Variants in CENPP observed in about 807,000 individuals in gnomAD.
CENPP encodes the protein centromere protein P.
Under a neutral mutation model 35.6 loss-of-function variants are expected in CENPP, and 24 were observed. That is an observed-to-expected ratio of 0.67 (90% CI 0.49 to 0.95). The LOEUF is 0.95. Ranked by LOEUF, CENPP falls within the 40% of genes least tolerant of loss-of-function variation. The pLI, the probability that CENPP is intolerant of heterozygous loss-of-function variation, is 0.00. For synonymous variants in CENPP, 120 were observed against 125.5 expected, an observed-to-expected ratio of 0.96 and a Z score of 0.29; for missense variants, 332 against 345.3, an observed-to-expected ratio of 0.96 and a Z score of 0.31.
intron 1 of CENPP, among the ~76,000 whole-genome samples, chr9:92,328,234 A>C (rs1257236664): frequency 6.6e-6 from 1 of 152,208 alleles, no homozygotes; most frequent in East Asian, 1.9e-4. Context: ...ATGTCAGTCC[A>C]GGGTGTTTGG....
chr9:92,532,682 A>G (rs944818828), intron 5 of CENPP, among the ~76,000 whole-genome samples: 4 of 151,870 alleles, frequency 2.6e-5, no homozygotes, highest in Non-Finnish European at 4.4e-5. Flanking sequence ...GGTTTTCAGT[A>G]TGTTCTTTTT....
intron 5 of CENPP, among the ~76,000 whole-genome samples, chr9:92,536,450 C>T (rs942823748): frequency 2.4e-5 from 3 of 127,450 alleles, no homozygotes; most frequent in Non-Finnish European, 5.1e-5. Flanking sequence ...TTTAACTCAT[C>T]TGCCCACCCA....
intron 5 of CENPP, among the ~76,000 whole-genome samples, chr9:92,571,921 T>G (rs976736856): frequency 4.6e-5 from 7 of 151,696 alleles, no homozygotes; most frequent in East Asian, 1.9e-4. Flanking sequence ...TTTTTTTTTT[T>G]TTTGTTTTCC....
At chr9:92,359,272 C>T (rs1236115010) in intron 4 of CENPP, among the ~76,000 whole-genome samples, 1 of 152,002 alleles carries the variant, frequency 6.6e-6, no homozygotes, top group Non-Finnish European at 1.5e-5. Flanking sequence ...CTTTGTATCC[C>T]TTGTGTTTTG....
At chr9:92,460,538 A>G in intron 5 of CENPP, 1 of 1,599,436 alleles carries the variant, frequency 6.3e-7, no homozygotes, top group Non-Finnish European at 8.6e-7. Context: ...TTATAATCTA[A>G]GTGAAGCTCC....
intron 5 of CENPP, chr9:92,465,060 A>G: frequency 7.0e-7 from 1 of 1,438,644 alleles, no homozygotes; most frequent in Non-Finnish European, 9.8e-7. Flanking sequence ...GACTTAGCAC[A>G]CATAGGTTGT....
At chr9:92,517,694 G>A (rs754446535) in intron 5 of CENPP, 14 of 1,613,962 alleles carry the variant, frequency 8.7e-6, no homozygotes, top group African/African-American at 4.0e-5. Context: ...TACCAGTAGC[G>A]GAGCAGACCG....
chr9:92,572,528 C>A (rs187847578), intron 5 of CENPP, among the ~76,000 whole-genome samples: 96 of 152,234 alleles, frequency 6.3e-4, no homozygotes, highest in African/African-American at 2.2e-3. Context: ...AACATTTTTT[C>A]CTTCATTTCA....
chr9:92,452,606 G>A (rs1204798823), intron 5 of CENPP, among the ~76,000 whole-genome samples: 2 of 152,242 alleles, frequency 1.3e-5, no homozygotes, highest in East Asian at 1.9e-4. Context: ...GGATGATGCT[G>A]GCCTCATAAA....
chr9:92,429,414 A>T (rs1191385660), intron 5 of CENPP, among the ~76,000 whole-genome samples: 2 of 152,220 alleles, frequency 1.3e-5, no homozygotes, highest in Non-Finnish European at 2.9e-5. Flanking sequence ...TACTTGGCTA[A>T]AGTCTACAGA....
chr9:92,380,891 G>A (rs1842226130), intron 5 of CENPP, among the ~76,000 whole-genome samples: 1 of 152,142 alleles, frequency 6.6e-6, no homozygotes, highest in African/African-American at 2.4e-5. Context: ...AAGCTGATTT[G>A]ACTCTACGTG....
At chr9:92,475,879 T>C in intron 5 of CENPP, among the ~76,000 whole-genome samples, 1 of 152,230 alleles carries the variant, frequency 6.6e-6, no homozygotes, top group East Asian at 1.9e-4. Flanking sequence ...TTCAGTTGCA[T>C]TTTTAAAATG....
intron 5 of CENPP, among the ~76,000 whole-genome samples, chr9:92,596,904 T>TC (rs1850798802): frequency 6.6e-6 from 1 of 152,178 alleles, no homozygotes; most frequent in Non-Finnish European, 1.5e-5. Context: ...GACTTGGCTA[T>TC]ATTCATGTCT....
chr9:92,531,006 G>A (rs1057348919), intron 5 of CENPP, among the ~76,000 whole-genome samples: 3 of 152,074 alleles, frequency 2.0e-5, no homozygotes, highest in African/African-American at 7.2e-5. Context: ...ATGTTTTGCT[G>A]TCTTTCTATA....
intron 5 of CENPP, among the ~76,000 whole-genome samples, chr9:92,442,378 A>G (rs1382537198): frequency 6.7e-6 from 1 of 148,238 alleles, no homozygotes; most frequent in African/African-American, 2.5e-5. Context: ...AGCCTGGACA[A>G]CAAGAGTGAA....
intron 5 of CENPP, among the ~76,000 whole-genome samples, chr9:92,587,942 A>G (rs1293725516): frequency 2.6e-5 from 4 of 152,100 alleles, no homozygotes; most frequent in African/African-American, 4.8e-5. Context: ...ACTGGCCAAC[A>G]TGGCGAAACC....
chr9:92,429,138 T>TTGAA lies in CENPP; in HGVS notation c.564+49294_564+49297dup, dbSNP rs1464286710. On this transcript the variant is annotated intron_variant, in intron 5 of 7. Coordinates refer to ENST00000375587, the MANE Select transcript of CENPP (RefSeq NM_001012267.3). ...ATAGTGGGTGCTCAATAAATATTGT[T>TTGAA]TGAATGAATGAATGAATGCACAGTA... 2.3e-4 allele frequency among the ~76,000 whole-genome samples: 35 copies of TTGAA among 152,324 alleles called. No homozygotes were observed. In the East Asian group the frequency reaches 3.9e-3, roughly 17 times the overall value.
At chr9:92,368,057 G>C (rs1190489086) in intron 4 of CENPP, among the ~76,000 whole-genome samples, 1 of 152,064 alleles carries the variant, frequency 6.6e-6, no homozygotes, top group Non-Finnish European at 1.5e-5. Flanking sequence ...ACTATTTAAT[G>C]GCATGTCATG....
chr9:92,472,014 A>G (rs1019432456), intron 5 of CENPP, among the ~76,000 whole-genome samples: 1 of 152,190 alleles, frequency 6.6e-6, no homozygotes, highest in Admixed American at 6.5e-5. Flanking sequence ...TAGTATTTGA[A>G]TATCAACATT....
Sources: allele counts gnomAD v4.1 joint callset (sites outside exome capture counted in the v4.1 genomes callset), GRCh38; gene constraint gnomAD v4.1.1; transcripts MANE v1.5; gene names NCBI Gene and HGNC (gene_info 2026-07-23, HGNC 2026-07-21).